Variants in UGP2 observed in about 807,000 individuals in gnomAD.
The protein encoded by UGP2 is UDP-glucose pyrophosphorylase 2.
UGP2 carries 40 observed loss-of-function variants against 49.0 expected under a neutral mutation model. The observed-to-expected ratio is 0.82, with a 90% CI of 0.63 to 1.06. The LOEUF is 1.06. Ranked by LOEUF, UGP2 falls within the 50% of genes least tolerant of loss-of-function variation. The pLI, the probability that UGP2 is intolerant of heterozygous loss-of-function variation, is 0.00. For missense variants in UGP2, 460 were observed against 603.5 expected (o/e 0.76, Z 2.49); for synonymous variants, 225 against 213.0 (o/e 1.06, Z -0.49).
At chr2:63,842,362 C>G in intron 1 of UGP2, 158 bp downstream of exon 1, 1 of 1,602,004 alleles carries the variant, frequency 6.2e-7, no homozygotes, top group Non-Finnish European at 8.5e-7. Context: ...CCTTGAGCTG[C>G]TGGGTTGACG....
chr2:63,890,276 CTTG>C, intron 9 of UGP2, 91 bp downstream of exon 9: 1 of 930,306 alleles, frequency 1.1e-6, no homozygotes, highest in Non-Finnish European at 1.6e-6. Context: ...TTAAGGAATA[CTTG>C]TTAGTCTTAG....
rs777588333 is a variant in UGP2, at chr2:63,857,513, C to A, written c.148-316C>A. ...GAGTAGGTGAGACTACAGGCACACA[C>A]CACCACATCTGGCTAATTTTTGTAT... On this transcript the variant is annotated intron_variant, in intron 2 of 9. Transcript: ENST00000337130. 38 of 435,310 alleles carry A rather than the reference C, an allele frequency of 8.7e-5. 1 individual carries two copies. Among genetic ancestry groups the A allele is most frequent in the South Asian group, 6.6e-4 (38 of 57,538 alleles). The allele number at this position is 435,310 out of a possible 1,614,324, so 27.0% of individuals were successfully genotyped here.
intron 3 of UGP2, among the ~76,000 whole-genome samples, chr2:63,874,547 C>CATAGGTCAAGGGGA (rs1670780512): frequency 6.6e-6 from 1 of 152,132 alleles, no homozygotes; most frequent in Non-Finnish European, 1.5e-5. Flanking sequence ...TATGGTGTTT[C>CATAGGTCAAGGGGA]ATAGGTCAAG....
rs564281943 is a variant in UGP2 at position 63,869,223 on chromosome 2, T to C, written c.255+11287T>C. On this transcript the variant is annotated intron_variant, in intron 3 of 9. Transcript: ENST00000337130. Reference sequence around the variant, plus strand: ...GAATGAAGGGGTAGAGGTAATATTTTAGATAGGCTGGGTAGAGAAGGCGTC... The same window carrying C: ...GAATGAAGGGGTAGAGGTAATATTTCAGATAGGCTGGGTAGAGAAGGCGTC... Among the ~76,000 whole-genome samples the C allele has an allele frequency of 1.7e-4, 26 of 152,350 alleles. No homozygotes were observed. In the South Asian group the frequency reaches 5.2e-3, roughly 30 times the overall value.
At chr2:63,882,341 T>G in intron 3 of UGP2, 125 bp from the exon 4 acceptor site, 1 of 888,124 alleles carries the variant, frequency 1.1e-6, no homozygotes, top group Non-Finnish European at 1.6e-6. Flanking sequence ...TAAAGAAAAG[T>G]TGATTAAAAC....
At chr2:63,886,227 C>T in intron 6 of UGP2, 114 bp from the exon 7 acceptor site, 2 of 1,052,868 alleles carry the variant, frequency 1.9e-6, no homozygotes, top group Non-Finnish European at 2.8e-6. Context: ...TGAAAATTTA[C>T]TCTGTTTCTA....
chr2:63,879,791 A>C (rs1575845588), intron 3 of UGP2, among the ~76,000 whole-genome samples: 1 of 152,304 alleles, frequency 6.6e-6, no homozygotes, highest in African/African-American at 2.4e-5. Context: ...TTTTAGGTAA[A>C]ATTGGAAGAC....
At chr2:63,874,051 T>G (rs1670745193) in intron 3 of UGP2, among the ~76,000 whole-genome samples, 1 of 152,224 alleles carries the variant, frequency 6.6e-6, no homozygotes, top group Non-Finnish European at 1.5e-5. Flanking sequence ...AATCTTTTAA[T>G]TCACTTCTAG....
intron 1 of UGP2, among the ~76,000 whole-genome samples, chr2:63,855,156 T>C (rs570486025): frequency 3.3e-5 from 5 of 152,360 alleles, no homozygotes; most frequent in African/African-American, 4.8e-5. Context: ...TTTTATCTTA[T>C]ATGTTGTCTT....
At chr2:63,843,535 C>T (rs1049736114) in intron 1 of UGP2, among the ~76,000 whole-genome samples, 1 of 152,190 alleles carries the variant, frequency 6.6e-6, no homozygotes. Flanking sequence ...ATTAATAAAC[C>T]CAAGGTGTTC....
At chr2:63,844,638 T>G (rs933002870) in intron 1 of UGP2, among the ~76,000 whole-genome samples, 1 of 152,208 alleles carries the variant, frequency 6.6e-6, no homozygotes, top group Non-Finnish European at 1.5e-5. Context: ...CACAGCTCAC[T>G]GCAGCCTTGA....
chr2:63,863,232 A>G (rs534426414), intron 3 of UGP2, among the ~76,000 whole-genome samples: 9 of 152,318 alleles, frequency 5.9e-5, no homozygotes, highest in African/African-American at 1.4e-4. Flanking sequence ...TAAAATTTCT[A>G]TAAAAATTCT....
intron 1 of UGP2, among the ~76,000 whole-genome samples, chr2:63,850,494 A>G (rs1425306867): frequency 6.6e-6 from 1 of 152,156 alleles, no homozygotes; most frequent in Non-Finnish European, 1.5e-5. Flanking sequence ...GACATGGAAT[A>G]TTTTTTCTAT....
In UGP2 at chr2:63,887,649, G is replaced by T. The variant is rs368693404; in HGVS notation, c.1314+5G>T. ...TTAGGCAGTTCTTTTACGAAGGTAC[G>T]TAACTATAAAGATATGTGAGTTCAT... is the stretch of plus-strand genomic sequence containing the variant. On this transcript the variant is annotated splice_donor_5th_base_variant and intron_variant, in intron 8 of 9. Coordinates refer to ENST00000337130, the MANE Select transcript of UGP2 (RefSeq NM_006759.4). The T allele has an allele frequency of 2.2e-5, 36 of 1,613,778 alleles. No individual in the cohort carries two copies. Among genetic ancestry groups the T allele is most frequent in the Non-Finnish European group, 2.9e-5 (34 of 1,179,840 alleles).
intron 3 of UGP2, among the ~76,000 whole-genome samples, chr2:63,864,146 G>C (rs549825529): frequency 3.3e-5 from 5 of 152,172 alleles, no homozygotes; most frequent in Admixed American, 6.5e-5. Flanking sequence ...TTTGGGTACT[G>C]ACATGTCAGG....
rs949798537 is a variant in UGP2 at position 63,841,911 on chromosome 2, G to T, written c.-275G>T. ...TACCTTTTCCGGGAGTCTCCAGCTG[G>T]CCCTCATTTGTGTCCGGAGCTCAGG... is the stretch of plus-strand genomic sequence containing the variant. On this transcript the variant is annotated 5_prime_UTR_variant, in exon 1 of 10. Coordinates refer to ENST00000337130, the MANE Select transcript of UGP2 (RefSeq NM_006759.4). 3.5e-5 allele frequency: 14 copies of T among 401,912 alleles called. No individual in the cohort carries two copies. The highest frequency in any genetic ancestry group is 1.8e-4 in the East Asian group (5 of 27,050). The allele number at this position is 401,912 out of a possible 1,614,324, so 24.9% of individuals were successfully genotyped here. A position where few individuals can be genotyped will look rare whatever the true frequency, so the allele number is the denominator to read the frequency against.
At chr2:63,856,466 G>A (rs765299916) in intron 2 of UGP2, 33 bp downstream of exon 2, 129 of 1,242,944 alleles carry the variant, frequency 1.0e-4, no homozygotes, top group Admixed American at 1.5e-4. Context: ...CCACCCCCCC[G>A]CCCCTCCCTT....
intron 3 of UGP2, among the ~76,000 whole-genome samples, chr2:63,878,677 C>G (rs906313272): frequency 1.3e-5 from 2 of 152,180 alleles, no homozygotes; most frequent in African/African-American, 4.8e-5. Context: ...CCTCCCACTC[C>G]AGCCTCCCAT....
chr2:63,869,232 T>G (rs1394099251), intron 3 of UGP2, among the ~76,000 whole-genome samples: 3 of 152,170 alleles, frequency 2.0e-5, no homozygotes, highest in Admixed American at 6.5e-5. Flanking sequence ...TTAGATAGGC[T>G]GGGTAGAGAA....
Sources: allele counts gnomAD v4.1 joint callset (sites outside exome capture counted in the v4.1 genomes callset), GRCh38; gene constraint gnomAD v4.1.1; transcripts MANE v1.5; gene names NCBI Gene and HGNC (gene_info 2026-07-23, HGNC 2026-07-21).